APTX: variants seen among roughly 807,000 people sequenced by gnomAD.
APTX encodes forkhead-associated domain histidine triad-like protein.
APTX carries 33 observed loss-of-function variants against 42.3 expected under a neutral mutation model. The observed-to-expected ratio is 0.78, with a 90% CI of 0.59 to 1.04. APTX has a LOEUF of 1.04. APTX is among the 50% of genes least tolerant of loss of function. The pLI, the probability that APTX is intolerant of heterozygous loss-of-function variation, is 0.00. For missense variants in APTX, 421 were observed against 415.1 expected (o/e 1.01, Z -0.12); for synonymous variants, 130 against 146.7 (o/e 0.89, Z 0.82).
intron 6 of APTX, among the ~76,000 whole-genome samples, chr9:32,977,418 A>G (rs536797700): frequency 1.1e-3 from 170 of 152,316 alleles, no homozygotes; most frequent in African/African-American, 3.6e-3. Flanking sequence ...GAGGAGTTCA[A>G]GGCCGCAGTG....
chr9:33,014,331 T>G (rs180775726), intron 1 of APTX, among the ~76,000 whole-genome samples: 4 of 150,650 alleles, frequency 2.7e-5, no homozygotes, highest in Admixed American at 2.6e-4. Context: ...ACTCCCATAT[T>G]TGGAGATGTG....
chr9:33,003,622 A>G (rs1319531379), upstream of APTX, among the ~76,000 whole-genome samples: 1 of 150,282 alleles, frequency 6.7e-6, no homozygotes, highest in Non-Finnish European at 1.5e-5. Flanking sequence ...ATAGAGCAAG[A>G]CTCTGCCTCA....
intron 6 of APTX, among the ~76,000 whole-genome samples, chr9:32,976,264 G>GCTT (rs1829388091): frequency 6.6e-6 from 1 of 152,224 alleles, no homozygotes; most frequent in Admixed American, 6.5e-5. Context: ...AACATTAAGA[G>GCTT]AAATACCTAA....
intron 1 of APTX, chr9:33,019,773 TA>T: frequency 1.7e-6 from 1 of 597,700 alleles, no homozygotes; most frequent in Non-Finnish European, 2.9e-6. Context: ...AGAAAGTTGA[TA>T]AGGGAAATTC....
intron 1 of APTX, among the ~76,000 whole-genome samples, chr9:33,006,999 C>CAAAAAAAAAAAAAAAAAAAAAA (rs55924566): frequency 1.4e-4 from 7 of 49,460 alleles, no homozygotes; most frequent in Non-Finnish European, 1.7e-4. Context: ...GACTCTGTCT[C>CAAAAAAAAAAAAAAAAAAAAAA]AAAAAAAAAA....
intron 1 of APTX, 179 bp from the exon 2 acceptor site, chr9:32,990,074 G>T: frequency 1.4e-6 from 1 of 709,462 alleles, no homozygotes; most frequent in Non-Finnish European, 2.4e-6. Context: ...GGACTCAGGA[G>T]GCTGTTGTGA....
intron 1 of APTX, 70 bp from the exon 2 acceptor site, chr9:32,989,965 G>C: frequency 6.4e-7 from 1 of 1,553,606 alleles, no homozygotes; most frequent in Non-Finnish European, 8.7e-7. Context: ...GGCCACACCC[G>C]GTGCCACCAC....
intron 1 of APTX, among the ~76,000 whole-genome samples, chr9:33,018,405 TA>T: frequency 6.6e-6 from 1 of 150,824 alleles, no homozygotes. Context: ...CCGTCTCTAC[TA>T]AAAATACAAA....
chr9:33,023,234 T>C (rs904340782), intron 1 of APTX, among the ~76,000 whole-genome samples: 4 of 151,886 alleles, frequency 2.6e-5, no homozygotes, highest in African/African-American at 9.7e-5. Context: ...TTTTTTTTTT[T>C]CTGAGACTCG....
intron 4 of APTX, among the ~76,000 whole-genome samples, chr9:32,987,210 C>G (rs1314331018): frequency 6.6e-6 from 1 of 152,184 alleles, no homozygotes; most frequent in African/African-American, 2.4e-5. Context: ...GCAGCTACAG[C>G]CTGACCAATT....
chr9:32,981,935 G>A (rs562366792), intron 6 of APTX, among the ~76,000 whole-genome samples: 207 of 151,654 alleles, frequency 1.4e-3, no homozygotes, highest in African/African-American at 4.6e-3. Flanking sequence ...CATTGGGTGC[G>A]AGTTTGAGGA....
chr9:33,004,563 G>A (rs1038346864), upstream of APTX, among the ~76,000 whole-genome samples: 1 of 151,646 alleles, frequency 6.6e-6, no homozygotes, highest in African/African-American at 2.4e-5. Context: ...TTCCATAGCA[G>A]CTGGATGATT....
chr9:32,988,248 T>A, intron 2 of APTX, 119 bp from the exon 3 acceptor site: 2 of 856,420 alleles, frequency 2.3e-6, no homozygotes, highest in Non-Finnish European at 4.0e-6. Context: ...GGTGTTTCCT[T>A]AAAGGCCTAT....
At chr9:33,000,845 C>CTTT (rs74178838) in intron 1 of APTX, among the ~76,000 whole-genome samples, 36 of 98,822 alleles carry the variant, frequency 3.6e-4, no homozygotes, top group Admixed American at 5.0e-4. Context: ...TTTTTTTTTT[C>CTTT]TTTTTTTTTT....
At chr9:33,008,085 G>C (rs1369585639) in intron 1 of APTX, among the ~76,000 whole-genome samples, 1 of 152,090 alleles carries the variant, frequency 6.6e-6, no homozygotes, top group Non-Finnish European at 1.5e-5. Flanking sequence ...TTTTAGATAA[G>C]TTAACCTCCT....
chr9:32,988,943 T>C (rs564037591), intron 2 of APTX, among the ~76,000 whole-genome samples: 1 of 152,286 alleles, frequency 6.6e-6, no homozygotes, highest in East Asian at 1.9e-4. Context: ...ACATTAAGCA[T>C]TCCTGTTCTG....
intron 2 of APTX, 182 bp downstream of exon 2, chr9:32,989,577 C>G (rs751880868): frequency 9.9e-6 from 9 of 912,264 alleles, no homozygotes; most frequent in Non-Finnish European, 1.6e-5. Context: ...TGAACATTAT[C>G]ACATTGGGAG....
At chr9:33,002,236 G>A (rs914862055), upstream of APTX, among the ~76,000 whole-genome samples, 1 of 151,976 alleles carries the variant, frequency 6.6e-6, no homozygotes, top group African/African-American at 2.4e-5. Flanking sequence ...TTTGGCAGAA[G>A]GAACAATCCC....
intron 2 of APTX, among the ~76,000 whole-genome samples, chr9:32,988,703 A>G (rs1587480926): frequency 6.6e-6 from 1 of 151,566 alleles, no homozygotes; most frequent in Non-Finnish European, 1.5e-5. Flanking sequence ...AAAAAAAAAA[A>G]AAAAAAAAAA....
Sources: allele counts gnomAD v4.1 joint callset (sites outside exome capture counted in the v4.1 genomes callset), GRCh38; gene constraint gnomAD v4.1.1; transcripts MANE v1.5; gene names NCBI Gene and HGNC (gene_info 2026-07-23, HGNC 2026-07-21).